ARHGAP39: variants seen among roughly 807,000 people sequenced by gnomAD.
ARHGAP39 encodes rho GTPase-activating protein 39.
In ARHGAP39, 44 loss-of-function variants were observed where a neutral mutation model predicts 106.9. The ratio of observed to expected loss-of-function variants is 0.41; its 90% CI spans 0.32 to 0.53. The LOEUF (loss-of-function observed/expected upper bound fraction) is 0.53. Among genes scored for constraint, ARHGAP39 ranks in the 20% least tolerant of loss-of-function variants. ARHGAP39 has a pLI of 0.21. For missense variants in ARHGAP39, 1,496 were observed against 1,577.3 expected (o/e 0.95, Z 0.87); for synonymous variants, 768 against 693.2 (o/e 1.11, Z -1.69).
At position 144,600,163 on chromosome 8, in the gene ARHGAP39, G is replaced by A. The variant is rs574131359; in HGVS notation, c.80+5372C>T. The stretch of plus-strand genomic sequence containing the variant: ...CTCATGTACCTACCTGTGTGTGTGC[G>A]TGGAGGCGTGTGTGCGCACTTGTGT... On this transcript the variant is annotated intron_variant, in intron 2 of 11. Transcript: ENST00000377307. Among the ~76,000 whole-genome samples the A allele has an allele frequency of 7.4e-4, 113 of 151,840 alleles. 3 individuals are homozygous for A. Among genetic ancestry groups the A allele is most frequent in the South Asian group, 5.0e-3 (24 of 4,798 alleles).
upstream of ARHGAP39, among the ~76,000 whole-genome samples, chr8:144,688,021 A>T (rs1464521022): frequency 6.6e-6 from 1 of 151,852 alleles, no homozygotes; most frequent in Non-Finnish European, 1.5e-5. Context: ...ATGACCACAC[A>T]TTTACAGTGA....
At position 144,545,615 on chromosome 8, in the gene ARHGAP39, T is replaced by C; in HGVS notation, c.2155A>G (p.Met719Val). 3.1e-6 allele frequency: 5 copies of C among 1,613,740 alleles called. No homozygotes were observed. Among genetic ancestry groups the C allele is most frequent in the Admixed American group, 1.7e-5 (1 of 60,026 alleles). The change falls in exon 6 of 12, where the codon ATG becomes GTG. Residue 719 changes from methionine to valine, a missense_variant. Coordinates refer to ENST00000377307, the MANE Select transcript of ARHGAP39 (RefSeq NM_025251.3). The stretch of plus-strand genomic sequence containing the variant: ...ATGGACTCGCTGCTCCAGGCCAGCA[T>C]GTTGGCGATGGACACCTTCCGCCGG... ...LFRRKVSIAN[M>V]LAWSSESIKK...
chr8:144,535,559 G>A (rs1034256085), intron 7 of ARHGAP39, among the ~76,000 whole-genome samples: 7 of 152,222 alleles, frequency 4.6e-5, no homozygotes, highest in African/African-American at 1.2e-4. Flanking sequence ...GCAGGAAGGC[G>A]GCAGAAACCC....
At chr8:144,688,687 C>T (rs1822684324), upstream of ARHGAP39, among the ~76,000 whole-genome samples, 5 of 152,132 alleles carry the variant, frequency 3.3e-5, no homozygotes, top group South Asian at 1.0e-3. Context: ...CACACCACTG[C>T]CCTCCAGCCT....
chr8:144,636,866 A>G (rs1301228907), intron 1 of ARHGAP39, among the ~76,000 whole-genome samples: 2 of 152,228 alleles, frequency 1.3e-5, no homozygotes, highest in African/African-American at 2.4e-5. Context: ...ACTACAAAGG[A>G]AATCACTTTC....
chr8:144,602,352 T>C (rs950770917), intron 2 of ARHGAP39, among the ~76,000 whole-genome samples: 4 of 141,406 alleles, frequency 2.8e-5, no homozygotes, highest in Admixed American at 7.1e-5. Flanking sequence ...CCTGTATGCA[T>C]GTGCATGGAG....
chr8:144,566,798 T>A (rs1018751898), intron 3 of ARHGAP39, among the ~76,000 whole-genome samples: 5 of 149,922 alleles, frequency 3.3e-5, no homozygotes, highest in Non-Finnish European at 7.4e-5. Flanking sequence ...GAGGTTGCAG[T>A]GAGCCGAGAT....
chr8:144,627,782 A>AAAC (rs1031373151), intron 1 of ARHGAP39, among the ~76,000 whole-genome samples: 2 of 152,062 alleles, frequency 1.3e-5, no homozygotes, highest in Non-Finnish European at 2.9e-5. Flanking sequence ...AAACAAAACA[A>AAAC]AGCAGCTGCT....
At position 144,671,561 on chromosome 8, in the gene ARHGAP39, G is replaced by A. The variant is rs560873659; in HGVS notation, c.-82+14125C>T. 1.6e-4 allele frequency among the ~76,000 whole-genome samples: 24 copies of A among 152,308 alleles called. No individual in the cohort carries two copies. Among genetic ancestry groups the A allele is most frequent in the African/African-American group, 4.8e-4 (20 of 41,564 alleles). ...CTCTCGCCAACACTCCAGTCACAGA[G>A]CTGCCGGCTCCGGCCACACATCCCT... On this transcript the variant is annotated intron_variant, in intron 1 of 11. Transcript: ENST00000377307. The surrounding 1 kb of genome is among the most constrained non-coding windows in gnomAD (Gnocchi z 4.5).
chr8:144,668,057 G>C (rs2129712818), intron 1 of ARHGAP39, among the ~76,000 whole-genome samples: 1 of 151,452 alleles, frequency 6.6e-6, no homozygotes, highest in South Asian at 2.1e-4. Flanking sequence ...ACTCAAAAAA[G>C]CTAGTGAATT....
At position 144,671,374 on chromosome 8, in the gene ARHGAP39, AG is replaced by A. The variant is rs1268072709; in HGVS notation, c.-82+14311del. 6.6e-5 allele frequency among the ~76,000 whole-genome samples: 10 copies of A among 152,384 alleles called. No homozygotes were observed. Among genetic ancestry groups the A allele is most frequent in the Non-Finnish European group, 1.3e-4 (9 of 68,032 alleles). On this transcript the variant is annotated intron_variant, in intron 1 of 11. Coordinates refer to ENST00000377307, the MANE Select transcript of ARHGAP39 (RefSeq NM_025251.3). The surrounding 1 kb of genome is among the most constrained non-coding windows in gnomAD (Gnocchi z 4.5). ...TGAACGAATAAAGCTGGAGTTAGAA[AG>A]AAGCTATTGCCAACCCTTTCACTCT...
intron 1 of ARHGAP39, among the ~76,000 whole-genome samples, chr8:144,617,263 T>A (rs930758761): frequency 5.3e-5 from 8 of 151,338 alleles, no homozygotes; most frequent in African/African-American, 1.9e-4. Flanking sequence ...CAGAAGTCCT[T>A]CTGAATAAAG....
At chr8:144,601,083 C>T (rs141284201) in intron 2 of ARHGAP39, among the ~76,000 whole-genome samples, 2,849 of 108,050 alleles carry the variant, frequency 0.026, 90 homozygotes, top group African/African-American at 0.096. Flanking sequence ...TACCTGTGTG[C>T]ATGTGCGTGG....
Position 144,546,435 on chromosome 8 carries a change from G to A in ARHGAP39, c.1960-625C>T, listed in dbSNP as rs566126813. 8.5e-4 allele frequency among the ~76,000 whole-genome samples: 130 copies of A among 152,276 alleles called. 1 individual carries two copies. The South Asian group carries it at 0.024, about 29-fold the overall frequency. On this transcript the variant is annotated intron_variant, in intron 5 of 11. Transcript: ENST00000377307. ...CCTGGAGACCACGAAGGCCACCCAG[G>A]CCCTCGAGGTCTCCCCACCCAAGGA...
At chr8:144,613,136 T>G (rs1189465747) in intron 1 of ARHGAP39, among the ~76,000 whole-genome samples, 1 of 152,242 alleles carries the variant, frequency 6.6e-6, no homozygotes, top group Non-Finnish European at 1.5e-5. Context: ...TATATGCATT[T>G]ACCATTTTCT....
At chr8:144,605,868 C>T (rs558521646) in intron 1 of ARHGAP39, 173 bp from the exon 2 acceptor site, 13 of 538,166 alleles carry the variant, frequency 2.4e-5, no homozygotes, top group East Asian at 6.3e-5. Flanking sequence ...ATGCCTGGCC[C>T]TGCGTTGCAG....
Position 144,576,810 on chromosome 8 carries a change from C to T in ARHGAP39, c.512+4036G>A, listed in dbSNP as rs114645841. ...AATGTTAACGCCAAGTCCGCTCGTC[C>T]GCTTGTTTCTTAAAATGATTCACGA... On this transcript the variant is annotated intron_variant, in intron 3 of 11. Transcript: ENST00000377307. Among the ~76,000 whole-genome samples, 570 of 152,206 alleles carry T rather than the reference C, an allele frequency of 3.7e-3. 3 individuals are homozygous for T. Among genetic ancestry groups the T allele is most frequent in the African/African-American group, 0.013 (551 of 41,528 alleles).
intron 4 of ARHGAP39, among the ~76,000 whole-genome samples, chr8:144,549,736 G>A (rs1319302854): frequency 4.6e-5 from 7 of 152,104 alleles, no homozygotes; most frequent in East Asian, 1.9e-4. Flanking sequence ...CTCCTGATCC[G>A]CCTGCCTCGG....
intron 2 of ARHGAP39, among the ~76,000 whole-genome samples, chr8:144,597,360 T>A (rs1819660399): frequency 6.6e-6 from 1 of 152,224 alleles, no homozygotes; most frequent in African/African-American, 2.4e-5. Context: ...TGGGGCCGAC[T>A]GGTCCTGTCT....
Sources: allele counts gnomAD v4.1 joint callset (sites outside exome capture counted in the v4.1 genomes callset), GRCh38; gene constraint gnomAD v4.1.1; non-coding constraint Gnocchi (gnomAD v3.1); transcripts MANE v1.5; gene names NCBI Gene and HGNC (gene_info 2026-07-23, HGNC 2026-07-21).